Variants in GAS7 observed in about 807,000 individuals in gnomAD.
GAS7 encodes growth arrest specific 7, also known as growth arrest-specific protein 7.
Under a neutral mutation model 71.1 loss-of-function variants are expected in GAS7, and 28 were observed. The observed-to-expected ratio is 0.39, with a 90% CI of 0.29 to 0.54. The LOEUF is 0.54. Among genes scored for constraint, GAS7 ranks in the 20% least tolerant of loss-of-function variants. The pLI is 0.62. For synonymous variants in GAS7, 258 were observed against 245.8 expected (o/e 1.05, Z -0.46); for missense variants, 436 against 627.8 (o/e 0.69, Z 3.27).
At chr17:10,027,851 C>T (rs752739006) in intron 1 of GAS7, among the ~76,000 whole-genome samples, 6 of 152,162 alleles carry the variant, frequency 3.9e-5, no homozygotes, top group African/African-American at 1.2e-4. Context: ...GAGACCCCAC[C>T]GCCCCTCCAT....
chr17:10,131,156 G>A (rs950493866), intron 1 of GAS7, among the ~76,000 whole-genome samples: 3 of 152,098 alleles, frequency 2.0e-5, no homozygotes, highest in Non-Finnish European at 2.9e-5. Context: ...CCTCCCCAGC[G>A]TGCCTCTTGC....
chr17:9,917,018 A>G lies in GAS7; in HGVS notation c.*210T>C, dbSNP rs1373437715. The G allele has an allele frequency of 5.2e-6, 3 of 576,700 alleles. No homozygotes were observed. The highest frequency in any genetic ancestry group is 3.0e-5 in the Admixed American group (1 of 33,574). 35.7% of individuals were successfully genotyped at this position (576,700 alleles called of 1,614,324 possible). On this transcript the variant is annotated 3_prime_UTR_variant, in exon 14 of 14. Transcript: ENST00000432992. ...CAGGGGGTCTTCAGCCTCAGAGACAAGGGCAGGGCTGTGGGTCTGTCTTCT... is the reference window on the plus strand; with the variant it reads ...CAGGGGGTCTTCAGCCTCAGAGACAGGGGCAGGGCTGTGGGTCTGTCTTCT...
At chr17:10,069,139 C>A (rs1307423128) in intron 1 of GAS7, among the ~76,000 whole-genome samples, 2 of 152,180 alleles carry the variant, frequency 1.3e-5, no homozygotes, top group African/African-American at 4.8e-5. Context: ...ATAGTGGGAG[C>A]CCTTCCTAAA....
intron 1 of GAS7, among the ~76,000 whole-genome samples, chr17:10,158,343 A>C (rs866760414): frequency 7.6e-6 from 1 of 132,444 alleles, no homozygotes. Context: ...TGGTAAAAAA[A>C]AAAAAAAAAA....
intron 1 of GAS7, among the ~76,000 whole-genome samples, chr17:10,073,638 A>G (rs892669105): frequency 2.0e-5 from 3 of 152,200 alleles, no homozygotes; most frequent in Admixed American, 6.5e-5. Flanking sequence ...TCGTGCGCAC[A>G]TTAACGTTTG....
intron 1 of GAS7, among the ~76,000 whole-genome samples, chr17:10,179,316 T>C (rs2074397180): frequency 6.6e-6 from 1 of 151,016 alleles, no homozygotes; most frequent in Admixed American, 6.6e-5. Flanking sequence ...CTGGGCAACA[T>C]GAGTGAAACT....
Position 9,913,094 on chromosome 17 carries a change from G to A in GAS7, c.*4134C>T, listed in dbSNP as rs1450581247. On this transcript the variant is annotated 3_prime_UTR_variant, in exon 14 of 14. Coordinates refer to ENST00000432992, the MANE Select transcript of GAS7 (RefSeq NM_201433.2). ...GGAGGGTTAAAAACAGGTTGATCTT[G>A]GTGATGGTCACAAGACACTAAATTT... is the stretch of plus-strand genomic sequence containing the variant. 8.6e-6 allele frequency: 2 copies of A among 232,358 alleles called. No homozygotes were observed. The highest frequency in any genetic ancestry group is 4.4e-5 in the African/African-American group (2 of 45,278). 14.4% of individuals were successfully genotyped at this position (232,358 alleles called of 1,614,324 possible). A position where few individuals can be genotyped will look rare whatever the true frequency, so the allele number is the denominator to read the frequency against.
At position 9,916,875 on chromosome 17, in the gene GAS7, G is replaced by C; in HGVS notation, c.*353C>G. On this transcript the variant is annotated 3_prime_UTR_variant, in exon 14 of 14. Transcript: ENST00000432992. ...CCTGGAGACAAGGGAGCCAGCTGGA[G>C]GAAGAGCCTTGGGGCTTCCAGGGCA... is the stretch of plus-strand genomic sequence containing the variant. 1 of 450,694 alleles carries C rather than the reference G, an allele frequency of 2.2e-6. No homozygotes were observed. The highest frequency in any genetic ancestry group is 3.9e-6 in the Non-Finnish European group (1 of 255,222). 27.9% of individuals were successfully genotyped at this position (450,694 alleles called of 1,614,324 possible). A position where few individuals can be genotyped will look rare whatever the true frequency, so the allele number is the denominator to read the frequency against.
At chr17:10,057,934 A>G (rs2073169510) in intron 1 of GAS7, among the ~76,000 whole-genome samples, 1 of 152,254 alleles carries the variant, frequency 6.6e-6, no homozygotes, top group Non-Finnish European at 1.5e-5. Flanking sequence ...GATGCTGTTA[A>G]TCTATGGCCT....
At chr17:10,078,038 T>C (rs2073414033) in intron 1 of GAS7, among the ~76,000 whole-genome samples, 1 of 147,896 alleles carries the variant, frequency 6.8e-6, no homozygotes. Context: ...ATGCGGAAGT[T>C]TGTTGTTTTT....
At chr17:10,155,162 G>A (rs1303184675) in intron 1 of GAS7, among the ~76,000 whole-genome samples, 1 of 151,814 alleles carries the variant, frequency 6.6e-6, no homozygotes, top group South Asian at 2.1e-4. Flanking sequence ...TTACAGGTGC[G>A]TACCAACACA....
At chr17:9,973,201 A>G (rs1318428248) in intron 3 of GAS7, among the ~76,000 whole-genome samples, 2 of 152,126 alleles carry the variant, frequency 1.3e-5, no homozygotes, top group Non-Finnish European at 2.9e-5. Flanking sequence ...GAGAACACAA[A>G]TGCTCAGAAT....
At chr17:9,970,069 C>T (rs904951941) in intron 3 of GAS7, among the ~76,000 whole-genome samples, 4 of 152,160 alleles carry the variant, frequency 2.6e-5, no homozygotes, top group African/African-American at 9.7e-5. Flanking sequence ...GCCTTTGCTA[C>T]AAATACCACA....
intron 5 of GAS7, among the ~76,000 whole-genome samples, chr17:9,956,227 G>C (rs8069273): frequency 6.6e-6 from 1 of 152,130 alleles, no homozygotes; most frequent in South Asian, 2.1e-4. Context: ...TGACAACTGA[G>C]GGTTCAAGTC....
chr17:10,189,971 A>AAGAAGAAT (rs1364776229), intron 1 of GAS7, among the ~76,000 whole-genome samples: 18 of 152,250 alleles, frequency 1.2e-4, no homozygotes, highest in Admixed American at 1.0e-3. Context: ...AACAAATCAA[A>AAGAAGAAT]AGAAGAATAA....
chr17:9,984,930 G>A (rs376089175), intron 2 of GAS7, among the ~76,000 whole-genome samples: 74 of 152,200 alleles, frequency 4.9e-4, no homozygotes, highest in African/African-American at 1.6e-3. Context: ...TCTCCTGCCC[G>A]TTGAATCAGC....
chr17:10,005,082 C>T (rs112983434), intron 2 of GAS7, among the ~76,000 whole-genome samples: 35,504 of 147,882 alleles, frequency 0.24, 6,483 homozygotes, highest in African/African-American at 0.52. Flanking sequence ...CGCATACATG[C>T]GTGTGTGCAC....
chr17:10,155,698 GT>G (rs1241411341), intron 1 of GAS7, among the ~76,000 whole-genome samples: 5 of 152,106 alleles, frequency 3.3e-5, no homozygotes, highest in African/African-American at 1.2e-4. Context: ...GTCCTCTCCT[GT>G]TCAGAGGCAG....
In GAS7 at chr17:10,034,494, A is replaced by G. The variant is rs2072699658; in HGVS notation, c.184-14597T>C. Reference sequence around the variant, plus strand: ...TGGCTAATTTTTGTATTTTTAGTAGACACGGGGTTTCACCACGTTGACCAG... The same window carrying G: ...TGGCTAATTTTTGTATTTTTAGTAGGCACGGGGTTTCACCACGTTGACCAG... On this transcript the variant is annotated intron_variant, in intron 1 of 13. Transcript: ENST00000432992. This position sits in a 1 kb window ranked among gnomAD's most constrained non-coding sequence, Gnocchi z 4.4. 6.6e-6 allele frequency among the ~76,000 whole-genome samples: 1 copy of G among 152,066 alleles called. No homozygotes were observed. Among genetic ancestry groups the G allele is most frequent in the African/African-American group, 2.4e-5 (1 of 41,404 alleles).
Sources: gnomAD v4.1 joint callset for allele counts (sites outside exome capture counted in the v4.1 genomes callset) on GRCh38, gnomAD v4.1.1 for gene constraint, Gnocchi (gnomAD v3.1) non-coding constraint, MANE v1.5 for transcripts, NCBI Gene and HGNC (gene_info 2026-07-23, HGNC 2026-07-21) for gene names.